The following SYN2 variants were observed in gnomAD, a reference collection of about 807,000 sequenced individuals.
SYN2 encodes the protein synapsin II.
Under a neutral mutation model 50.9 loss-of-function variants are expected in SYN2, and 19 were observed. The ratio of observed to expected loss-of-function variants is 0.37; its 90% CI spans 0.26 to 0.55. SYN2 has a LOEUF of 0.55. SYN2 is among the 20% of genes least tolerant of loss of function. SYN2 has a pLI of 0.81. For synonymous variants in SYN2, 255 were observed against 224.9 expected (o/e 1.13, Z -1.20); for missense variants, 587 against 576.4 (o/e 1.02, Z -0.19).
intron 1 of SYN2, among the ~76,000 whole-genome samples, chr3:12,050,826 C>T (rs1364659667): frequency 1.4e-5 from 2 of 143,314 alleles, no homozygotes; most frequent in Non-Finnish European, 3.0e-5. Flanking sequence ...AGCTCCGCTT[C>T]CCGGGTTCAC....
At chr3:12,105,130 G>T (rs1696157887) in intron 1 of SYN2, among the ~76,000 whole-genome samples, 1 of 152,060 alleles carries the variant, frequency 6.6e-6, no homozygotes, top group Admixed American at 6.5e-5. Context: ...GAATGTACGA[G>T]CAATCTGATT....
intron 1 of SYN2, among the ~76,000 whole-genome samples, chr3:12,129,191 A>G (rs1409199367): frequency 1.3e-5 from 2 of 152,202 alleles, no homozygotes; most frequent in Admixed American, 6.5e-5. Flanking sequence ...ACTTTTGTTC[A>G]GATAGTCAGT....
At chr3:12,131,386 G>A (rs905138391) in intron 1 of SYN2, among the ~76,000 whole-genome samples, 1 of 152,178 alleles carries the variant, frequency 6.6e-6, no homozygotes, top group African/African-American at 2.4e-5. Context: ...AGGTAGACCT[G>A]CAGTATTCAA....
chr3:12,186,445 G>C (rs1195747333), intron 11 of SYN2, among the ~76,000 whole-genome samples: 1 of 152,212 alleles, frequency 6.6e-6, no homozygotes, highest in East Asian at 1.9e-4. Context: ...GCTGGGAGGA[G>C]GGTGTGCTGT....
At chr3:12,165,607 G>A (rs2125239876) in intron 7 of SYN2, 2 of 152,316 alleles carry the variant, frequency 1.3e-5, no homozygotes, top group East Asian at 3.9e-4. Context: ...AGTTGGGTAT[G>A]CAACCTGAAA....
intron 1 of SYN2, among the ~76,000 whole-genome samples, chr3:12,131,340 C>T (rs1175912914): frequency 6.6e-6 from 1 of 152,176 alleles, no homozygotes; most frequent in Admixed American, 6.5e-5. Flanking sequence ...CTGGTGACAG[C>T]GGTGACTGTG....
chr3:12,127,388 G>A (rs149596429), intron 1 of SYN2, among the ~76,000 whole-genome samples: 6 of 152,158 alleles, frequency 3.9e-5, no homozygotes, highest in African/African-American at 1.2e-4. Flanking sequence ...CTTTCCCACC[G>A]TGTGATCTTG....
chr3:12,034,775 G>C (rs1694459470), intron 1 of SYN2, among the ~76,000 whole-genome samples: 1 of 152,080 alleles, frequency 6.6e-6, no homozygotes, highest in Admixed American at 6.5e-5. Context: ...GTTGCATTGG[G>C]GATTAAGTTT....
chr3:12,078,723 G>C (rs755591673), intron 1 of SYN2, among the ~76,000 whole-genome samples: 2 of 152,168 alleles, frequency 1.3e-5, no homozygotes, highest in African/African-American at 2.4e-5. Context: ...AATGTAGCTT[G>C]AAGTCCAGTA....
intron 1 of SYN2, among the ~76,000 whole-genome samples, chr3:12,010,801 C>T (rs1437989816): frequency 1.3e-5 from 2 of 152,166 alleles, no homozygotes; most frequent in Admixed American, 1.3e-4. Context: ...CTAAACATTT[C>T]CCGGAATGAA....
chr3:12,120,990 C>A (rs1265194080), intron 1 of SYN2, among the ~76,000 whole-genome samples: 1 of 152,200 alleles, frequency 6.6e-6, no homozygotes, highest in African/African-American at 2.4e-5. Context: ...TTAGTCTCAT[C>A]GGCCATCATT....
chr3:12,149,750 G>T (rs1210920259), intron 4 of SYN2, among the ~76,000 whole-genome samples: 2 of 152,108 alleles, frequency 1.3e-5, no homozygotes, highest in African/African-American at 4.8e-5. Flanking sequence ...ACTAAAGGGA[G>T]GGACCTAGGA....
chr3:12,105,140 T>G (rs1696158003), intron 1 of SYN2, among the ~76,000 whole-genome samples: 2 of 152,164 alleles, frequency 1.3e-5, no homozygotes, highest in Admixed American at 1.3e-4. Flanking sequence ...GCAATCTGAT[T>G]TCACCTGTTC....
In SYN2 at chr3:12,052,747, C is replaced by T. The variant is rs776881305; in HGVS notation, c.377+47819C>T. 5.8e-4 allele frequency among the ~76,000 whole-genome samples: 88 copies of T among 152,172 alleles called. 2 individuals are homozygous for T. Among genetic ancestry groups the T allele is most frequent in the Non-Finnish European group, 1.0e-3 (70 of 68,024 alleles). On this transcript the variant is annotated intron_variant, in intron 1 of 12. Transcript: ENST00000621198. ...CCATAGGAGCCAGCCTTGGTCATGTCTCCTTTCTTTCCAGAAAGAGAAAAA... is the reference window on the plus strand; with the variant it reads ...CCATAGGAGCCAGCCTTGGTCATGTTTCCTTTCTTTCCAGAAAGAGAAAAA...
At chr3:12,006,719 G>A (rs972645166) in intron 1 of SYN2, among the ~76,000 whole-genome samples, 2 of 152,152 alleles carry the variant, frequency 1.3e-5, no homozygotes, top group Admixed American at 1.3e-4. Context: ...CAGTGTGGGG[G>A]CCTTTTAAGA....
At chr3:12,105,916 T>G (rs1473636018) in intron 1 of SYN2, among the ~76,000 whole-genome samples, 1 of 152,158 alleles carries the variant, frequency 6.6e-6, no homozygotes, top group African/African-American at 2.4e-5. Flanking sequence ...TTTGTTGTAT[T>G]AGTTTTCTAT....
At chr3:12,168,015 G>A (rs1349459981) in intron 8 of SYN2, among the ~76,000 whole-genome samples, 1 of 152,182 alleles carries the variant, frequency 6.6e-6, no homozygotes, top group Non-Finnish European at 1.5e-5. Context: ...GTACCTGGTG[G>A]AAGAAGTTTC....
chr3:12,070,550 G>C (rs1695328521), intron 1 of SYN2: 1 of 1,079,198 alleles, frequency 9.3e-7, no homozygotes, highest in Admixed American at 1.8e-5. Flanking sequence ...TGGTGCTGCT[G>C]ACGGAGGCCC....
At chr3:12,100,897 A>G (rs192706721) in intron 1 of SYN2, among the ~76,000 whole-genome samples, 5 of 152,310 alleles carry the variant, frequency 3.3e-5, no homozygotes, top group African/African-American at 9.6e-5. Context: ...ATCATTTACC[A>G]TCAGGATGAT....
Sources: allele counts gnomAD v4.1 joint callset (sites outside exome capture counted in the v4.1 genomes callset), GRCh38; gene constraint gnomAD v4.1.1; transcripts MANE v1.5; gene names NCBI Gene and HGNC (gene_info 2026-07-23, HGNC 2026-07-21).